The following DPP10 variants were observed in gnomAD, a reference collection of about 807,000 sequenced individuals.
DPP10 encodes the protein inactive dipeptidyl peptidase 10.
A neutral mutation model predicts 120.9 loss-of-function variants in DPP10; 33 were observed. That is an observed-to-expected ratio of 0.27 (90% CI 0.21 to 0.37). DPP10 has a LOEUF of 0.37. Among genes scored for constraint, DPP10 ranks in the 10% least tolerant of loss-of-function variants. DPP10 has a pLI of 1.00. For synonymous variants in DPP10, 337 were observed against 326.1 expected, an observed-to-expected ratio of 1.03 and a Z score of -0.36; for missense variants, 816 against 942.8, an observed-to-expected ratio of 0.87 and a Z score of 1.76.
chr2:115,793,185 A>G (rs1684182191), intron 19 of DPP10, among the ~76,000 whole-genome samples: 1 of 152,028 alleles, frequency 6.6e-6, no homozygotes. Context: ...TTTTTTTGAG[A>G]AGTGGGATTT....
chr2:114,654,646 C>A (rs146343411), intron 1 of DPP10, among the ~76,000 whole-genome samples: 1 of 151,794 alleles, frequency 6.6e-6, no homozygotes, highest in African/African-American at 2.4e-5. Context: ...AAGATTATGA[C>A]TTTTTTTTTC....
chr2:114,765,899 A>G (rs1330111578), intron 1 of DPP10, among the ~76,000 whole-genome samples: 1 of 152,064 alleles, frequency 6.6e-6, no homozygotes, highest in African/African-American at 2.4e-5. Flanking sequence ...AAAAATCCTA[A>G]CTGGAGGAAA....
At chr2:114,953,632 C>T (rs1394128488) in intron 1 of DPP10, among the ~76,000 whole-genome samples, 1 of 152,092 alleles carries the variant, frequency 6.6e-6, no homozygotes, top group African/African-American at 2.4e-5. Flanking sequence ...TATCCTGTTA[C>T]AGCATGTGCA....
At chr2:115,226,315 C>T (rs866773514) in intron 1 of DPP10, among the ~76,000 whole-genome samples, 11 of 152,014 alleles carry the variant, frequency 7.2e-5, no homozygotes, top group South Asian at 2.1e-4. Flanking sequence ...ATGAGTTGTA[C>T]GTGTGAGTAA....
intron 1 of DPP10, among the ~76,000 whole-genome samples, chr2:114,844,713 T>C (rs1688412994): frequency 6.6e-6 from 1 of 152,016 alleles, no homozygotes; most frequent in Admixed American, 6.6e-5. Context: ...ATATTCCTTT[T>C]TTTTCTCCTA....
chr2:115,498,476 C>G (rs1479622812), intron 3 of DPP10, among the ~76,000 whole-genome samples: 5 of 151,806 alleles, frequency 3.3e-5, no homozygotes, highest in Admixed American at 2.0e-4. Flanking sequence ...CATTCAGTTT[C>G]TGAGAGATTG....
At chr2:114,979,949 TA>T (rs1699982602) in intron 1 of DPP10, among the ~76,000 whole-genome samples, 4 of 152,160 alleles carry the variant, frequency 2.6e-5, no homozygotes, top group Non-Finnish European at 5.9e-5. Flanking sequence ...TGTCAGTTTC[TA>T]TAGTCTTTTG....
chr2:115,489,244 A>C (rs1430880528), intron 3 of DPP10, among the ~76,000 whole-genome samples: 1 of 151,944 alleles, frequency 6.6e-6, no homozygotes, highest in Non-Finnish European at 1.5e-5. Flanking sequence ...TGTTCTTTAC[A>C]AAAACAGTTC....
intron 1 of DPP10, among the ~76,000 whole-genome samples, chr2:114,546,812 T>G (rs1375154375): frequency 1.3e-5 from 2 of 152,262 alleles, no homozygotes; most frequent in Non-Finnish European, 2.9e-5. Context: ...CCTCGTTTTC[T>G]TAATTACAAA....
chr2:115,518,639 G>A (rs1188297243), intron 4 of DPP10, among the ~76,000 whole-genome samples: 5 of 151,818 alleles, frequency 3.3e-5, no homozygotes, highest in Admixed American at 1.3e-4. Flanking sequence ...TAAAATATGC[G>A]TGTTTTAAAA....
intron 1 of DPP10, among the ~76,000 whole-genome samples, chr2:114,868,243 C>T (rs1443125688): frequency 6.6e-6 from 1 of 152,172 alleles, no homozygotes; most frequent in Non-Finnish European, 1.5e-5. Flanking sequence ...GCCTCCTTCT[C>T]CCAGGGCACT....
intron 1 of DPP10, among the ~76,000 whole-genome samples, chr2:114,629,254 C>T (rs181214314): frequency 6.6e-6 from 1 of 152,322 alleles, no homozygotes; most frequent in African/African-American, 2.4e-5. Flanking sequence ...GATCAATTGT[C>T]AGCCTGCTTC....
intron 1 of DPP10, among the ~76,000 whole-genome samples, chr2:114,952,994 C>CTT (rs35383764): frequency 4.1e-4 from 59 of 145,350 alleles, no homozygotes; most frequent in East Asian, 1.6e-3. Context: ...TCTTTTGAGG[C>CTT]TTTTTTTTTT....
At chr2:115,627,085 A>G (rs1224768834) in intron 5 of DPP10, among the ~76,000 whole-genome samples, 2 of 152,218 alleles carry the variant, frequency 1.3e-5, no homozygotes, top group East Asian at 3.8e-4. Flanking sequence ...TAGCTTCAGT[A>G]AGAAAAATAT....
chr2:115,492,128 G>A (rs1006220277), intron 3 of DPP10, among the ~76,000 whole-genome samples: 2 of 152,026 alleles, frequency 1.3e-5, no homozygotes, highest in Non-Finnish European at 1.5e-5. Flanking sequence ...AAACTTAGAG[G>A]AAACAAAAAT....
intron 1 of DPP10, among the ~76,000 whole-genome samples, chr2:114,599,751 A>G (rs2105218956): frequency 6.6e-6 from 1 of 151,938 alleles, no homozygotes; most frequent in Non-Finnish European, 1.5e-5. Context: ...AGCCATGTAG[A>G]TAGTTCCTTA....
intron 1 of DPP10, among the ~76,000 whole-genome samples, chr2:114,466,839 T>C (rs1679424407): frequency 6.6e-6 from 1 of 151,534 alleles, no homozygotes; most frequent in African/African-American, 2.4e-5. Context: ...AGGTCAAGAG[T>C]TCAAGACCAA....
intron 3 of DPP10, among the ~76,000 whole-genome samples, chr2:115,409,012 T>G (rs1368394871): frequency 6.6e-6 from 1 of 151,844 alleles, no homozygotes; most frequent in Admixed American, 6.6e-5. Flanking sequence ...TAACTAAAAT[T>G]TGTCCATTTT....
intron 1 of DPP10, among the ~76,000 whole-genome samples, chr2:115,166,641 T>C (rs2052898376): frequency 7.2e-6 from 1 of 139,276 alleles, no homozygotes; most frequent in Non-Finnish European, 1.6e-5. Context: ...CTTAGAATCT[T>C]CTAATATATC....
Sources: gnomAD v4.1 joint callset for allele counts (sites outside exome capture counted in the v4.1 genomes callset) on GRCh38, gnomAD v4.1.1 for gene constraint, MANE v1.5 for transcripts, NCBI Gene and HGNC (gene_info 2026-07-23, HGNC 2026-07-21) for gene names.